The following COL5A2 variants were observed in gnomAD, a reference collection of about 807,000 sequenced individuals.
COL5A2 encodes the protein collagen alpha-2(V) chain.
COL5A2 carries 23 observed loss-of-function variants against 208.2 expected under a neutral mutation model. That is an observed-to-expected ratio of 0.11 (90% confidence interval 0.08 to 0.16). The LOEUF is 0.16. COL5A2 is among the 10% of genes least tolerant of loss of function. The pLI, the probability that COL5A2 is intolerant of heterozygous loss-of-function variation, is 1.00. For missense variants in COL5A2, 1,590 were observed against 1,956.4 expected (o/e 0.81, Z 3.53); for synonymous variants, 625 against 628.5 (o/e 0.99, Z 0.08).
chr2:189,388,457 T>C, the COL5A2 span, among the ~76,000 whole-genome samples: 2 of 152,146 alleles, frequency 1.3e-5, no homozygotes, highest in Non-Finnish European at 2.9e-5. Flanking sequence ...TGCAGTGTGA[T>C]AGGCAAAGAG....
Position 189,043,893 on chromosome 2 carries a change from C to T in COL5A2, c.3364-635G>A, listed in dbSNP as rs111310474. Among the ~76,000 whole-genome samples the T allele has an allele frequency of 8.3e-4, 126 of 152,274 alleles. 1 individual carries two copies. Among genetic ancestry groups the T allele is most frequent in the African/African-American group, 2.8e-3 (117 of 41,572 alleles). ...TGATCTTGATGCTAAGCTTGATCTA[C>T]GGCTACAAAGAAAGCCGTAGTTAGG... On this transcript the variant is annotated intron_variant, in intron 47 of 53. Coordinates refer to ENST00000374866, the MANE Select transcript of COL5A2 (RefSeq NM_000393.5).
intron 1 of COL5A2, among the ~76,000 whole-genome samples, chr2:189,118,094 G>C (rs1197504343): frequency 6.6e-6 from 1 of 151,934 alleles, no homozygotes; most frequent in South Asian, 2.1e-4. Flanking sequence ...AAAATGATAT[G>C]CTTCAACCCT....
At chr2:189,214,502 T>TGAGTC in intron 1 of COL5A2, among the ~76,000 whole-genome samples, 1 of 152,062 alleles carries the variant, frequency 6.6e-6, no homozygotes, top group Admixed American at 6.6e-5. Flanking sequence ...CAAGAAGAAA[T>TGAGTC]GACGAAAAAT....
chr2:189,291,768 C>A, the COL5A2 span, among the ~76,000 whole-genome samples: 1 of 151,292 alleles, frequency 6.6e-6, no homozygotes, highest in Non-Finnish European at 1.5e-5. Context: ...AATTTTTCTG[C>A]TATTTTTTCC....
chr2:189,179,729 C>T lies in COL5A2; in HGVS notation c.-125G>A. 2.0e-6 allele frequency: 3 copies of T among 1,514,566 alleles called. No individual in the cohort carries two copies. Among genetic ancestry groups the T allele is most frequent in the Non-Finnish European group, 1.8e-6 (2 of 1,126,686 alleles). 93.8% of individuals were successfully genotyped at this position (1,514,566 alleles called of 1,614,324 possible). Reference sequence around the variant, plus strand: ...AGCCCCAGGGCAGCCTCTGCAAACCCCCTTTTTCAGCACCAGCTCCAGCAC... The same window carrying T: ...AGCCCCAGGGCAGCCTCTGCAAACCTCCTTTTTCAGCACCAGCTCCAGCAC... On this transcript the variant is annotated 5_prime_UTR_variant, in exon 1 of 54. Transcript: ENST00000374866.
chr2:189,145,929 G>A (rs896712793), intron 1 of COL5A2, among the ~76,000 whole-genome samples: 1 of 152,002 alleles, frequency 6.6e-6, no homozygotes. Context: ...GTACATGAGT[G>A]AGGTAATGAC....
intron 2 of COL5A2, among the ~76,000 whole-genome samples, chr2:189,107,438 T>C (rs1024354152): frequency 2.6e-5 from 4 of 151,574 alleles, no homozygotes; most frequent in African/African-American, 9.7e-5. Context: ...TTTTTTGCTT[T>C]AGGTTAGATC....
At position 189,058,381 on chromosome 2, in the gene COL5A2, C is replaced by G. The variant is rs756805376; in HGVS notation, c.2229+48G>C. The G allele has an allele frequency of 1.4e-5, 20 of 1,379,950 alleles. No individual in the cohort carries two copies. In the South Asian group the frequency reaches 2.2e-4, roughly 15 times the overall value. The allele number at this position is 1,379,950 out of a possible 1,614,324, so 85.5% of individuals were successfully genotyped here. Reference sequence around the variant, plus strand: ...CTCACACCATCATGCGTTTATTAAGCAGTAATTTTAAAGCATTTTAAAACA... The same window carrying G: ...CTCACACCATCATGCGTTTATTAAGGAGTAATTTTAAAGCATTTTAAAACA... On this transcript the variant is annotated intron_variant, in intron 33 of 53. Transcript: ENST00000374866.
intron 1 of COL5A2, among the ~76,000 whole-genome samples, chr2:189,190,496 T>C (rs1688909894): frequency 6.6e-6 from 1 of 152,234 alleles, no homozygotes; most frequent in Non-Finnish European, 1.5e-5. Context: ...AAATAATTTA[T>C]ACACATTTAT....
In COL5A2 at chr2:189,063,289, C is replaced by A; in HGVS notation, c.1771-19G>T. ...GCGCACCCTATAGAATTGACAGGAG[C>A]CATGTAAGTTTCATGTAAGTTGTTT... is the stretch of plus-strand genomic sequence containing the variant. On this transcript the variant is annotated intron_variant, in intron 26 of 53. Transcript: ENST00000374866. The A allele has an allele frequency of 6.3e-7, 1 of 1,598,882 alleles. No homozygotes were observed. Among genetic ancestry groups the A allele is most frequent in the Non-Finnish European group, 8.6e-7 (1 of 1,167,208 alleles).
intron 1 of COL5A2, among the ~76,000 whole-genome samples, chr2:189,148,721 C>T (rs1397169323): frequency 2.0e-5 from 3 of 152,104 alleles, no homozygotes; most frequent in African/African-American, 4.8e-5. Flanking sequence ...TTCATTTTTC[C>T]ATAAAGCACA....
chr2:189,067,599 T>C (rs1686181669), intron 21 of COL5A2, among the ~76,000 whole-genome samples: 1 of 152,172 alleles, frequency 6.6e-6, no homozygotes, highest in African/African-American at 2.4e-5. Flanking sequence ...CTGATTAATA[T>C]ATTTGAATCA....
the COL5A2 span, among the ~76,000 whole-genome samples, chr2:189,319,542 C>T: frequency 6.6e-6 from 1 of 152,246 alleles, no homozygotes; most frequent in Non-Finnish European, 1.5e-5. Flanking sequence ...TCGGAGGGTC[C>T]CACGCCCACG....
chr2:189,311,593 C>T, the COL5A2 span: 1 of 1,163,674 alleles, frequency 8.6e-7, no homozygotes, highest in Non-Finnish European at 1.2e-6. Context: ...GGCTGTTCTC[C>T]AAGCTGGCCT....
At chr2:189,166,199 T>C (rs982494811) in intron 1 of COL5A2, among the ~76,000 whole-genome samples, 3 of 152,160 alleles carry the variant, frequency 2.0e-5, no homozygotes, top group Non-Finnish European at 4.4e-5. Context: ...TGGAGAGCCC[T>C]TCTTCCCAGG....
At chr2:189,240,219 C>A in the COL5A2 span, among the ~76,000 whole-genome samples, 1 of 152,170 alleles carries the variant, frequency 6.6e-6, no homozygotes, top group East Asian at 1.9e-4. Context: ...GCTTAAACAG[C>A]AAACATTTGT....
At chr2:189,049,487 G>A in intron 43 of COL5A2, 33 bp from the exon 44 acceptor site, 1 of 1,521,724 alleles carries the variant, frequency 6.6e-7, no homozygotes, top group South Asian at 1.1e-5. Context: ...AAACACTTGT[G>A]AAGAAATTGA....
At chr2:189,350,681 G>T in the COL5A2 span, among the ~76,000 whole-genome samples, 2 of 152,186 alleles carry the variant, frequency 1.3e-5, no homozygotes, top group Admixed American at 1.3e-4. Context: ...CGGGCCAAGA[G>T]AATGTTTCCA....
intron 12 of COL5A2, among the ~76,000 whole-genome samples, chr2:189,083,556 CA>C (rs1686584033): frequency 6.6e-6 from 1 of 151,516 alleles, no homozygotes; most frequent in Non-Finnish European, 1.5e-5. Flanking sequence ...AGCTTTTCTT[CA>C]AGCTATTATT....
Sources: allele counts gnomAD v4.1 joint callset (sites outside exome capture counted in the v4.1 genomes callset), GRCh38; gene constraint gnomAD v4.1.1; transcripts MANE v1.5; gene names NCBI Gene and HGNC (gene_info 2026-07-23, HGNC 2026-07-21).